Variants in HTR4 observed in about 807,000 individuals in gnomAD.
The protein encoded by HTR4 is 5-hydroxytryptamine receptor 4, also known as 5-hydroxytryptamine (serotonin) receptor 4, G protein-coupled.
In HTR4, 16 loss-of-function variants were observed where a neutral mutation model predicts 36.8. That is an observed-to-expected ratio of 0.43 (90% confidence interval 0.29 to 0.66). The LOEUF is 0.66. HTR4 is among the 30% of genes least tolerant of loss of function. The pLI, the probability that HTR4 is intolerant of heterozygous loss-of-function variation, is 0.13. For missense variants in HTR4, 438 were observed against 490.9 expected (o/e 0.89, Z 1.02); for synonymous variants, 189 against 185.1 (o/e 1.02, Z -0.17).
chr5:148,472,708 G>A (rs1274567962), downstream of HTR4, among the ~76,000 whole-genome samples: 2 of 152,138 alleles, frequency 1.3e-5, no homozygotes, highest in East Asian at 1.9e-4. Context: ...ACTGGCAGGC[G>A]ATGGAAGAAA....
At position 148,633,011 on chromosome 5, in the gene HTR4, C is replaced by CA. The variant is rs201554392; in HGVS notation, c.26+3977dup. ...TTCCATTTTTCTTTCTTCAACCCTT[C>CA]AAAAAAAAATGCAGCTGCCTCCTCC... On this transcript the variant is annotated intron_variant, in intron 2 of 6. Coordinates refer to ENST00000377888, the MANE Select transcript of HTR4 (RefSeq NM_000870.7). 9.1e-3 allele frequency among the ~76,000 whole-genome samples: 1,378 copies of CA among 150,970 alleles called. 26 individuals carry two copies. The highest frequency in any genetic ancestry group is 0.032 in the African/African-American group (1,301 of 41,166).
chr5:148,534,983 C>A (rs1360354756), intron 4 of HTR4, among the ~76,000 whole-genome samples: 4 of 152,064 alleles, frequency 2.6e-5, no homozygotes, highest in African/African-American at 9.7e-5. Flanking sequence ...GGAACCCACA[C>A]CTTCAGAGCA....
intron 4 of HTR4, among the ~76,000 whole-genome samples, chr5:148,545,382 A>C (rs1759336869): frequency 6.6e-6 from 1 of 152,248 alleles, no homozygotes; most frequent in African/African-American, 2.4e-5. Context: ...TTATGCAATG[A>C]CTGTTTAATT....
At chr5:148,487,323 A>C (rs1756210143) in intron 6 of HTR4, among the ~76,000 whole-genome samples, 1 of 152,134 alleles carries the variant, frequency 6.6e-6, no homozygotes, top group African/African-American at 2.4e-5. Context: ...TTTTATAACA[A>C]AGTTATTAGC....
chr5:148,618,069 A>T (rs998828612), intron 2 of HTR4, among the ~76,000 whole-genome samples: 2 of 152,290 alleles, frequency 1.3e-5, no homozygotes, highest in African/African-American at 4.8e-5. Flanking sequence ...CTAGGCTTCT[A>T]TGTTCTCAAG....
At chr5:148,520,603 C>T (rs1295964949) in intron 5 of HTR4, among the ~76,000 whole-genome samples, 1 of 152,160 alleles carries the variant, frequency 6.6e-6, no homozygotes, top group Non-Finnish European at 1.5e-5. Flanking sequence ...CCTCTGTTCG[C>T]TGATCTATAA....
intron 4 of HTR4, among the ~76,000 whole-genome samples, chr5:148,528,207 A>G (rs1428829531): frequency 6.6e-6 from 1 of 152,240 alleles, no homozygotes; most frequent in Non-Finnish European, 1.5e-5. Flanking sequence ...GATATGAATA[A>G]GAAAAATACT....
chr5:148,638,750 T>C (rs558577314), intron 1 of HTR4, among the ~76,000 whole-genome samples: 2 of 152,192 alleles, frequency 1.3e-5, no homozygotes, highest in South Asian at 4.1e-4. Context: ...AAACTCATTC[T>C]CTCTACTTTG....
chr5:148,521,026 C>G lies in HTR4; in HGVS notation c.507+2167G>C. 12 of 1,365,030 alleles carry G rather than the reference C, an allele frequency of 8.8e-6. No individual in the cohort carries two copies. In the South Asian group the frequency reaches 1.4e-4, roughly 16 times the overall value. 84.6% of individuals were successfully genotyped at this position (1,365,030 alleles called of 1,614,324 possible). On this transcript the variant is annotated intron_variant, in intron 5 of 6. Transcript: ENST00000377888. Reference sequence around the variant, plus strand: ...GCGGTGAAAAGAGGAAAGGGCAGCTCCCTGTCTTGAGGGTCCTGTTGCTCT... The same window carrying G: ...GCGGTGAAAAGAGGAAAGGGCAGCTGCCTGTCTTGAGGGTCCTGTTGCTCT...
At chr5:148,563,697 T>A (rs1277576952) in intron 2 of HTR4, among the ~76,000 whole-genome samples, 1 of 152,214 alleles carries the variant, frequency 6.6e-6, no homozygotes, top group Non-Finnish European at 1.5e-5. Flanking sequence ...TTTCTTGTCA[T>A]TATTACGTAA....
chr5:148,558,931 C>A (rs910500575), intron 2 of HTR4, among the ~76,000 whole-genome samples: 3 of 152,198 alleles, frequency 2.0e-5, no homozygotes, highest in African/African-American at 7.2e-5. Context: ...TCCCAGTAAA[C>A]CCATTGTAAG....
chr5:148,590,779 A>C (rs1761533458), intron 2 of HTR4, among the ~76,000 whole-genome samples: 1 of 151,706 alleles, frequency 6.6e-6, no homozygotes. Flanking sequence ...CCAAAAGGTT[A>C]TCTGTTTATT....
chr5:148,485,908 G>C (rs1276422589), intron 6 of HTR4, among the ~76,000 whole-genome samples: 1 of 152,184 alleles, frequency 6.6e-6, no homozygotes, highest in Non-Finnish European at 1.5e-5. Context: ...GGCTACATTG[G>C]CTCTCTCTTT....
downstream of HTR4, among the ~76,000 whole-genome samples, chr5:148,480,156 T>C (rs573545434): frequency 2.4e-3 from 373 of 152,344 alleles, 1 homozygote; most frequent in Non-Finnish European, 4.2e-3. Flanking sequence ...TGAACAAACA[T>C]TTGAATCTTA....
Position 148,483,089 on chromosome 5 carries a change from G to A in HTR4, c.*114C>T. On this transcript the variant is annotated 3_prime_UTR_variant, in exon 7 of 7. Transcript: ENST00000377888. ...GCGAGCACCGGGTTCCTGCACTGGC[G>A]GACGGAAAGCCTCAGGTGAAGAGAA... 9 of 1,523,576 alleles carry A rather than the reference G, an allele frequency of 5.9e-6. No homozygotes were observed. The highest frequency in any genetic ancestry group is 2.4e-5 in the East Asian group (1 of 41,490). 94.4% of individuals were successfully genotyped at this position (1,523,576 alleles called of 1,614,324 possible).
At chr5:148,520,808 G>A in intron 5 of HTR4, 1 of 1,227,182 alleles carries the variant, frequency 8.1e-7, no homozygotes, top group Non-Finnish European at 1.1e-6. Flanking sequence ...GAAACTGACA[G>A]TTTAAAATAA....
chr5:148,507,201 AGGATGAGTTCAC>A (rs1338707378), intron 6 of HTR4, among the ~76,000 whole-genome samples: 2 of 151,836 alleles, frequency 1.3e-5, no homozygotes, highest in African/African-American at 4.8e-5. Flanking sequence ...GCCATAAAAA[AGGATGAGTTCAC>A]GTCCTTTGTA....
chr5:148,452,554 A>G (rs1284863889), intron 5 of HTR4, among the ~76,000 whole-genome samples: 4 of 152,184 alleles, frequency 2.6e-5, no homozygotes, highest in South Asian at 2.1e-4. Context: ...TCCCACAACA[A>G]AGAATTATCT....
intron 4 of HTR4, among the ~76,000 whole-genome samples, chr5:148,535,783 G>C (rs1356365532): frequency 6.6e-6 from 1 of 152,102 alleles, no homozygotes; most frequent in Non-Finnish European, 1.5e-5. Context: ...GAAAGGGATG[G>C]GGAGAAAGCA....
Sources: allele counts gnomAD v4.1 joint callset (sites outside exome capture counted in the v4.1 genomes callset), GRCh38; gene constraint gnomAD v4.1.1; transcripts MANE v1.5; gene names NCBI Gene and HGNC (gene_info 2026-07-23, HGNC 2026-07-21).